Variants in ABCC6 observed in about 807,000 individuals in gnomAD.
ABCC6 encodes ATP binding cassette subfamily C member 6.
In ABCC6, 126 loss-of-function variants were observed where a neutral mutation model predicts 169.5. The ratio of observed to expected loss-of-function variants is 0.74; its 90% CI spans 0.64 to 0.86. The LOEUF (loss-of-function observed/expected upper bound fraction) is 0.86, where lower values mean the gene tolerates loss of function less well. Ranked by LOEUF, ABCC6 falls within the 40% of genes least tolerant of loss-of-function variation. The pLI is 0.00. For missense variants in ABCC6, 1,733 were observed against 1,927.2 expected, an observed-to-expected ratio of 0.90 and a Z score of 1.89; for synonymous variants, 752 against 814.7, an observed-to-expected ratio of 0.92 and a Z score of 1.31.
chr16:16,215,194 G>A (rs1019843461), intron 4 of ABCC6, among the ~76,000 whole-genome samples: 5 of 152,138 alleles, frequency 3.3e-5, no homozygotes, highest in Admixed American at 6.5e-5. Flanking sequence ...AGCACATGCG[G>A]CATTCTTGCC....
chr16:16,178,729 T>G, intron 18 of ABCC6, 69 bp downstream of exon 18: 1 of 1,582,100 alleles, frequency 6.3e-7, no homozygotes, highest in African/African-American at 1.3e-5. Flanking sequence ...TAAACTTGGG[T>G]TAGGACTGGA....
At chr16:16,198,286 G>A in intron 9 of ABCC6, 104 bp from the exon 10 acceptor site, 5 of 1,293,566 alleles carry the variant, frequency 3.9e-6, no homozygotes, top group Non-Finnish European at 5.4e-6. Flanking sequence ...ACGTCTGCGA[G>A]GTGGGTGAGT....
At chr16:16,170,716 G>C (rs946289357) in intron 21 of ABCC6, among the ~76,000 whole-genome samples, 2 of 151,838 alleles carry the variant, frequency 1.3e-5, no homozygotes, top group Non-Finnish European at 2.9e-5. Context: ...TCAGGAGTTT[G>C]AGACCAGCCT....
At chr16:16,184,586 C>T (rs1444923531) in intron 15 of ABCC6, among the ~76,000 whole-genome samples, 2 of 152,132 alleles carry the variant, frequency 1.3e-5, no homozygotes, top group Non-Finnish European at 2.9e-5. Flanking sequence ...ATGATCATGA[C>T]CTCGGACTGA....
chr16:16,176,005 C>T lies in ABCC6; in HGVS notation c.2591-19G>A, dbSNP rs771412471. 4 of 1,612,970 alleles carry T rather than the reference C, an allele frequency of 2.5e-6. No individual in the cohort carries two copies. The highest frequency in any genetic ancestry group is 3.4e-6 in the Non-Finnish European group (4 of 1,179,036). ...TCTGTTTCTGCAAGGTCAAGAGAGT[C>T]CTGTCACGCAACACGGCCCAGATAC... On this transcript the variant is annotated intron_variant, in intron 19 of 30. Transcript: ENST00000205557.
rs368547779 is a variant in ABCC6, at chr16:16,203,607, G to A, written c.801C>T (p.Asn267=). The part of the protein sequence containing the change: ...MRNRSAARRH[N]KAIAFKRKGG... ...CTTTCCTTTTAAATGCTATTGCCTT[G>A]TTGTGCCTGAGGGGAAGGGAGAGAT... is the stretch of plus-strand genomic sequence containing the variant. Residue 267 remains asparagine, a synonymous_variant, in exon 8 of 31, where the codon AAC becomes AAT. Transcript: ENST00000205557. 21 of 1,614,022 alleles carry A rather than the reference G, an allele frequency of 1.3e-5. No individual in the cohort carries two copies. Among genetic ancestry groups the A allele is most frequent in the African/African-American group, 2.7e-5 (2 of 75,056 alleles).
intron 30 of ABCC6, 112 bp from the exon 31 acceptor site, chr16:16,150,353 C>G (rs554574648): frequency 4.7e-5 from 73 of 1,554,766 alleles, no homozygotes; most frequent in Middle Eastern, 3.5e-4. Context: ...GTCCTGCTTT[C>G]CATGCGGCTC....
chr16:16,162,842 C>T lies in ABCC6; in HGVS notation c.3506+151G>A, dbSNP rs566394083. The T allele has an allele frequency of 1.9e-3, 1,950 of 1,041,294 alleles. 13 individuals carry two copies. In the Middle Eastern group the frequency reaches 0.02, roughly 11 times the overall value. 64.5% of individuals were successfully genotyped at this position (1,041,294 alleles called of 1,614,324 possible). A position where few individuals can be genotyped will look rare whatever the true frequency, so the allele number is the denominator to read the frequency against. On this transcript the variant is annotated intron_variant, in intron 24 of 30. Coordinates refer to ENST00000205557, the MANE Select transcript of ABCC6 (RefSeq NM_001171.6). ...CTCTCGGTCATGTTCCATCTGCCCA[C>T]GGTGAGAACTGATAGACTGCCTGTG...
chr16:16,186,888 C>T (rs1379144584), intron 14 of ABCC6, among the ~76,000 whole-genome samples: 1 of 152,096 alleles, frequency 6.6e-6, no homozygotes, highest in African/African-American at 2.4e-5. Context: ...CCCTGTTGTA[C>T]ACCCAGGATG....
chr16:16,182,992 G>C lies in ABCC6; in HGVS notation c.1944-62C>G, dbSNP rs528508847. On this transcript the variant is annotated intron_variant, in intron 15 of 30. Coordinates refer to ENST00000205557, the MANE Select transcript of ABCC6 (RefSeq NM_001171.6). ...GGTTCAGCCCGCCTCTGTGAGGAAG[G>C]ATGAGCCCCAGACGGAGCTGAGCTT... 12 of 1,613,712 alleles carry C rather than the reference G, an allele frequency of 7.4e-6. No homozygotes were observed. The South Asian group carries it at 1.3e-4, about 18-fold the overall frequency.
chr16:16,221,432 C>T lies in ABCC6; in HGVS notation c.219+217G>A, dbSNP rs569468676. 589 of 1,436,480 alleles carry T rather than the reference C, an allele frequency of 4.1e-4. 6 individuals carry two copies. The South Asian group carries it at 7.9e-3, about 19-fold the overall frequency. The allele number at this position is 1,436,480 out of a possible 1,614,324, so 89.0% of individuals were successfully genotyped here. A position where few individuals can be genotyped will look rare whatever the true frequency, so the allele number is the denominator to read the frequency against. On this transcript the variant is annotated intron_variant, in intron 2 of 30. Transcript: ENST00000205557. The stretch of plus-strand genomic sequence containing the variant: ...ACATGGGAGTGTATGCGTATGTTTG[C>T]GCATGCGTGGATTTTCGGAATTACA...
intron 13 of ABCC6, 99 bp from the exon 14 acceptor site, chr16:16,187,310 A>C: frequency 2.1e-6 from 2 of 971,026 alleles, no homozygotes; most frequent in Non-Finnish European, 3.2e-6. Context: ...CTTCCTGTCT[A>C]CCAAGCTCTG....
chr16:16,172,163 T>G (rs1457408278), intron 21 of ABCC6, among the ~76,000 whole-genome samples: 1 of 122,880 alleles, frequency 8.1e-6, no homozygotes, highest in African/African-American at 3.2e-5. Context: ...GTGGGATGGA[T>G]AAATGGGTGG....
Position 16,154,727 on chromosome 16 carries a change from G to A in ABCC6, c.4109C>T (p.Ala1370Val). The A allele has an allele frequency of 1.2e-6, 2 of 1,613,496 alleles. No individual in the cohort carries two copies. Among genetic ancestry groups the A allele is most frequent in the Non-Finnish European group, 8.5e-7 (1 of 1,179,858 alleles). ...LDLLQEHSDE[A>V]IWAALETVQL... ...CACCGTCTCCAGGGCTGCCCAGATA[G>A]CCTCGTCCGAGTGCTCCTGCAGCAG... Residue 1370 changes from alanine (A) to valine (V), a missense_variant, in exon 29 of 31, where the codon GCT (alanine) becomes GTT (valine). Around this residue, in one of 5 missense-constraint regions of ABCC6, gnomAD observed 1,601 missense variants for 1,635.5 expected, o/e 0.98. Coordinates refer to ENST00000205557, the MANE Select transcript of ABCC6 (RefSeq NM_001171.6).
chr16:16,161,711 A>G (rs1423183099), intron 24 of ABCC6, 147 bp from the exon 25 acceptor site: 2 of 1,109,358 alleles, frequency 1.8e-6, no homozygotes, highest in South Asian at 2.7e-5. Context: ...CTCAGGGAGT[A>G]GAGGAAGATG....
intron 14 of ABCC6, among the ~76,000 whole-genome samples, chr16:16,185,716 C>T (rs1237369253): frequency 1.3e-5 from 2 of 152,100 alleles, no homozygotes; most frequent in African/African-American, 2.4e-5. Context: ...ACCCAGGAGG[C>T]GGAGGTTGCA....
chr16:16,197,657 G>A (rs1297837774), intron 10 of ABCC6, among the ~76,000 whole-genome samples: 1 of 143,222 alleles, frequency 7.0e-6, no homozygotes, highest in Non-Finnish European at 1.5e-5. Flanking sequence ...AGGAGGGGGT[G>A]CGTGGGCAGA....
intron 13 of ABCC6, among the ~76,000 whole-genome samples, chr16:16,187,960 G>A (rs1272212141): frequency 6.6e-6 from 1 of 151,560 alleles, no homozygotes; most frequent in Non-Finnish European, 1.5e-5. Flanking sequence ...GGCCAGGCGC[G>A]GTGGCTCATG....
At chr16:16,150,509 G>A in intron 30 of ABCC6, 69 bp downstream of exon 30, 1 of 1,560,498 alleles carries the variant, frequency 6.4e-7, no homozygotes, top group Non-Finnish European at 8.7e-7. Context: ...AGTGGCCCAG[G>A]ACTGCCTCCG....
Sources: allele counts gnomAD v4.1 joint callset (sites outside exome capture counted in the v4.1 genomes callset), GRCh38; gene constraint gnomAD v4.1.1; regional missense constraint gnomAD v4.1.1; transcripts MANE v1.5; gene names NCBI Gene and HGNC (gene_info 2026-07-23, HGNC 2026-07-21).